Variants in GUCY2C observed in about 807,000 individuals in gnomAD.
GUCY2C encodes guanylate cyclase 2C.
In GUCY2C, 118 loss-of-function variants were observed where a neutral mutation model predicts 131.1. That is an observed-to-expected ratio of 0.90 (90% CI 0.78 to 1.05). The LOEUF is 1.05. GUCY2C is among the 50% of genes least tolerant of loss of function. GUCY2C has a pLI of 0.00. For missense variants in GUCY2C, 1,161 were observed against 1,304.4 expected, an observed-to-expected ratio of 0.89 and a Z score of 1.69; for synonymous variants, 452 against 457.8, an observed-to-expected ratio of 0.99 and a Z score of 0.16.
intron 17 of GUCY2C, 83 bp downstream of exon 17, chr12:14,643,491 G>A: frequency 8.1e-7 from 1 of 1,233,604 alleles, no homozygotes; most frequent in Non-Finnish European, 1.2e-6. Context: ...CTTCTGATCA[G>A]TATTACAATT....
chr12:14,684,445 T>C (rs566884766), intron 3 of GUCY2C, among the ~76,000 whole-genome samples: 4 of 152,230 alleles, frequency 2.6e-5, no homozygotes, highest in African/African-American at 7.2e-5. Flanking sequence ...TTTTCCTCCA[T>C]TGAAGCTTAG....
At chr12:14,667,381 T>TA (rs1565627167) in intron 10 of GUCY2C, among the ~76,000 whole-genome samples, 1 of 152,216 alleles carries the variant, frequency 6.6e-6, no homozygotes, top group African/African-American at 2.4e-5. Flanking sequence ...AACTCGACTT[T>TA]AAAAAGCAAT....
At chr12:14,663,088 T>C (rs1296206937) in intron 10 of GUCY2C, among the ~76,000 whole-genome samples, 2 of 152,238 alleles carry the variant, frequency 1.3e-5, no homozygotes, top group Admixed American at 6.5e-5. Flanking sequence ...TAAATCTTCA[T>C]GTATCAATAC....
chr12:14,620,210 T>G (rs1946864272), intron 23 of GUCY2C, among the ~76,000 whole-genome samples: 1 of 152,150 alleles, frequency 6.6e-6, no homozygotes, highest in Non-Finnish European at 1.5e-5. Flanking sequence ...GCTTGGTACA[T>G]AAACAAACTA....
chr12:14,679,934 A>G (rs1948314897), intron 5 of GUCY2C, among the ~76,000 whole-genome samples, 181 bp from the exon 6 acceptor site: 1 of 151,704 alleles, frequency 6.6e-6, no homozygotes, highest in Non-Finnish European at 1.5e-5. Context: ...GTCAGAATAG[A>G]GCTGAATGGG....
At chr12:14,621,946 G>T (rs1311881583) in intron 22 of GUCY2C, 59 bp downstream of exon 22, 4 of 1,194,246 alleles carry the variant, frequency 3.3e-6, no homozygotes, top group East Asian at 2.6e-5. Context: ...ACCAATTCAG[G>T]CTCTGATGAC....
At chr12:14,624,464 T>A (rs1311665405) in intron 21 of GUCY2C, among the ~76,000 whole-genome samples, 2 of 151,624 alleles carry the variant, frequency 1.3e-5, no homozygotes, top group African/African-American at 2.4e-5. Context: ...ATTAATTAAT[T>A]AAATAAAATA....
chr12:14,683,047 AC>A lies in GUCY2C; in HGVS notation c.605del (p.Cys202PhefsTer25). The A allele has an allele frequency of 1.2e-6, 2 of 1,604,724 alleles. No homozygotes were observed. Among genetic ancestry groups the A allele is most frequent in the Non-Finnish European group, 1.7e-6 (2 of 1,171,608 alleles). On this transcript the variant is annotated frameshift_variant, in exon 4 of 27. Coordinates refer to ENST00000261170, the MANE Select transcript of GUCY2C (RefSeq NM_004963.4). LOFTEE classifies it high-confidence loss of function. The part of the protein sequence containing the change: ...VYKNGTETED[C>X]FWYLNALEAS... ...ATATTAATGATCCTGCTTACCAGAA[AC>A]AGTCCTCAGTTTCTGTACCATTCTT...
chr12:14,632,734 A>G (rs1290777132), intron 19 of GUCY2C, among the ~76,000 whole-genome samples: 1 of 152,202 alleles, frequency 6.6e-6, no homozygotes, highest in Non-Finnish European at 1.5e-5. Flanking sequence ...GACTGAAGAC[A>G]GGTCTCAGGA....
At chr12:14,631,435 T>C (rs886920911) in intron 19 of GUCY2C, among the ~76,000 whole-genome samples, 8 of 146,900 alleles carry the variant, frequency 5.4e-5, no homozygotes, top group African/African-American at 2.0e-4. Context: ...CCTGTGTCCA[T>C]GTGTTCTCAT....
intron 15 of GUCY2C, among the ~76,000 whole-genome samples, chr12:14,649,725 GAAT>G (rs1022125559): frequency 7.9e-5 from 12 of 152,122 alleles, no homozygotes; most frequent in Non-Finnish European, 1.5e-4. Context: ...AAATTTCTAG[GAAT>G]AATAATAACT....
At chr12:14,649,647 A>G (rs1338932475) in intron 15 of GUCY2C, among the ~76,000 whole-genome samples, 1 of 152,232 alleles carries the variant, frequency 6.6e-6, no homozygotes, top group African/African-American at 2.4e-5. Flanking sequence ...TCATAGGAGA[A>G]AAACCACATG....
At chr12:14,643,796 T>C in intron 16 of GUCY2C, 90 bp from the exon 17 acceptor site, 1 of 1,127,110 alleles carries the variant, frequency 8.9e-7, no homozygotes, top group Non-Finnish European at 1.3e-6. Flanking sequence ...TTGGAAACCA[T>C]TTCAGCAGAT....
rs1946679690 is a variant in GUCY2C, at chr12:14,612,979, C to G, written c.*138G>C. On this transcript the variant is annotated 3_prime_UTR_variant, in exon 27 of 27. Transcript: ENST00000261170. ...TGATTCATGCAAGAAAGTCCATGTT[C>G]CAGACAGGGCAGCCAAGCCTAAGTA... The G allele has an allele frequency of 1.5e-6, 1 of 679,970 alleles. No individual in the cohort carries two copies. The highest frequency in any genetic ancestry group is 2.6e-5 in the Admixed American group (1 of 39,078). The allele number at this position is 679,970 out of a possible 1,614,324, so 42.1% of individuals were successfully genotyped here.
In GUCY2C at chr12:14,625,836, G is replaced by T. The variant is rs1460612368; in HGVS notation, c.2329C>A (p.His777Asn). ...AGCTGTGTCCTTTCCTCTACCAGATGTTCCAGGTTTCGAGAATATAGCTGT... is the reference window on the plus strand; with the variant it reads ...AGCTGTGTCCTTTCCTCTACCAGATTTTCCAGGTTTCGAGAATATAGCTGT... ...RLQLYSRNLE[H>N]LVEERTQLYK... The change falls in exon 21 of 27, where the codon CAT becomes AAT. Residue 777 changes from histidine (H) to asparagine (N), a missense_variant. By Grantham distance (68) the His-to-Asn change is moderately conservative. Transcript: ENST00000261170. 1 of 1,613,250 alleles carries T rather than the reference G, an allele frequency of 6.2e-7. No homozygotes were observed. The highest frequency in any genetic ancestry group is 8.5e-7 in the Non-Finnish European group (1 of 1,179,282).
intron 10 of GUCY2C, among the ~76,000 whole-genome samples, chr12:14,669,210 C>CTTT (rs200187697): frequency 7.2e-6 from 1 of 139,218 alleles, no homozygotes; most frequent in African/African-American, 2.6e-5. Context: ...TTTTCTTTTT[C>CTTT]TTTTTTTTTT....
At chr12:14,635,109 C>T (rs936106299) in intron 19 of GUCY2C, among the ~76,000 whole-genome samples, 1 of 152,146 alleles carries the variant, frequency 6.6e-6, no homozygotes, top group African/African-American at 2.4e-5. Flanking sequence ...CACGTTAGAA[C>T]AAGTGAACCT....
At chr12:14,638,316 C>G (rs1166132352) in intron 19 of GUCY2C, among the ~76,000 whole-genome samples, 10 of 150,396 alleles carry the variant, frequency 6.6e-5, no homozygotes, top group Non-Finnish European at 4.4e-5. Context: ...AGAGATTTCT[C>G]AAGACACTAA....
At chr12:14,682,991 A>G in intron 4 of GUCY2C, 51 bp downstream of exon 4, 1 of 1,282,558 alleles carries the variant, frequency 7.8e-7, no homozygotes, top group South Asian at 1.2e-5. Flanking sequence ...GCATGATCCT[A>G]TGGCTTCTCT....
Sources: allele counts gnomAD v4.1 joint callset (sites outside exome capture counted in the v4.1 genomes callset), GRCh38; gene constraint gnomAD v4.1.1; transcripts MANE v1.5; gene names NCBI Gene and HGNC (gene_info 2026-07-23, HGNC 2026-07-21).